The following FAM161A variants were observed in gnomAD, a reference collection of about 807,000 sequenced individuals.
The protein encoded by FAM161A is protein FAM161A.
A neutral mutation model predicts 70.9 loss-of-function variants in FAM161A; 57 were observed. That is an observed-to-expected ratio of 0.80 (90% CI 0.65 to 1.00). The LOEUF (loss-of-function observed/expected upper bound fraction) is 1.00. Ranked by LOEUF, FAM161A falls within the 50% of genes least tolerant of loss-of-function variation. The pLI is 0.00. For missense variants in FAM161A, 880 were observed against 836.0 expected, an observed-to-expected ratio of 1.05 and a Z score of -0.65; for synonymous variants, 299 against 295.7, an observed-to-expected ratio of 1.01 and a Z score of -0.12.
At position 61,839,603 on chromosome 2, in the gene FAM161A, A is replaced by C. The variant is rs1290409340; in HGVS notation, c.1401T>G (p.Ile467Met). The C allele has an allele frequency of 6.2e-7, 1 of 1,614,146 alleles. No individual in the cohort carries two copies. Among genetic ancestry groups the C allele is most frequent in the Non-Finnish European group, 8.5e-7 (1 of 1,180,028 alleles). Residue 467 changes from isoleucine (I) to methionine (M), a missense_variant, in exon 3 of 7, where the codon ATT (isoleucine) becomes ATG (methionine). Coordinates refer to ENST00000404929, the MANE Select transcript of FAM161A (RefSeq NM_001201543.2). ...FDLHASPHAS[I>M]KREKILADIE... ...TGTCTGCCAAAATTTTTTCTCTTTT[A>C]ATAGATGCATGTGGAGATGCATGAA...
chr2:61,842,911 G>A (rs759855161), intron 1 of FAM161A, among the ~76,000 whole-genome samples: 8 of 152,186 alleles, frequency 5.3e-5, no homozygotes, highest in Non-Finnish European at 8.8e-5. Flanking sequence ...TCCTCACAGT[G>A]GGGCAAGACT....
chr2:61,832,401 T>A (rs569550776), intron 5 of FAM161A, among the ~76,000 whole-genome samples: 1 of 152,290 alleles, frequency 6.6e-6, no homozygotes, highest in African/African-American at 2.4e-5. Flanking sequence ...AAATGCAGAT[T>A]TGGAAGATAA....
chr2:61,820,195 G>C, downstream of FAM161A: 1 of 547,388 alleles, frequency 1.8e-6, no homozygotes, highest in Non-Finnish European at 3.3e-6. Flanking sequence ...TCTTCCCACT[G>C]CTGTCATGTC....
intron 4 of FAM161A, among the ~76,000 whole-genome samples, 170 bp downstream of exon 4, chr2:61,838,368 A>C (rs377691675): frequency 6.6e-6 from 1 of 152,220 alleles, no homozygotes; most frequent in East Asian, 1.9e-4. Context: ...GTTGGTTCTC[A>C]CCATGAGGTG....
chr2:61,843,778 C>A lies in FAM161A; in HGVS notation c.184-1418G>T, dbSNP rs529325086. Reference sequence around the variant, plus strand: ...AGAAGATATGGTATTTTTTTTAATACGCTAAAATCAGCATACAAGAGGACA... The same window carrying A: ...AGAAGATATGGTATTTTTTTTAATAAGCTAAAATCAGCATACAAGAGGACA... On this transcript the variant is annotated intron_variant, in intron 1 of 6. Coordinates refer to ENST00000404929, the MANE Select transcript of FAM161A (RefSeq NM_001201543.2). Among the ~76,000 whole-genome samples, 7 of 151,980 alleles carry A rather than the reference C, an allele frequency of 4.6e-5. No individual in the cohort carries two copies. The South Asian group carries it at 1.0e-3, about 23-fold the overall frequency.
intron 4 of FAM161A, 87 bp downstream of exon 4, chr2:61,838,451 A>G: frequency 8.8e-7 from 1 of 1,132,300 alleles, no homozygotes; most frequent in Non-Finnish European, 1.3e-6. Context: ...TGCTATTTTC[A>G]ATCTGCTCAT....
Position 61,840,268 on chromosome 2 carries a change from T to A in FAM161A, c.736A>T (p.Ile246Leu). 6.2e-7 allele frequency: 1 copy of A among 1,614,150 alleles called. No homozygotes were observed. The highest frequency in any genetic ancestry group is 1.1e-5 in the South Asian group (1 of 91,084). ...ITVPEPFQMM[I>L]REQKKKEESM... The stretch of plus-strand genomic sequence containing the variant: ...TCTTCTTTTTTCTTCTGTTCTCTTA[T>A]CATCATTTGAAAAGGCTCCGGTACT... Residue 246 changes from isoleucine to leucine, a missense_variant, in exon 3 of 7, where the codon ATA (isoleucine) becomes TTA (leucine). Transcript: ENST00000404929.
intron 1 of FAM161A, 83 bp downstream of exon 1, chr2:61,853,776 C>A (rs1673579334): frequency 2.0e-6 from 3 of 1,531,902 alleles, no homozygotes; most frequent in Non-Finnish European, 2.7e-6. Flanking sequence ...CCAGCCTGCC[C>A]TCAGCTGGGC....
At chr2:61,826,925 T>C (rs1470388310) in intron 6 of FAM161A, among the ~76,000 whole-genome samples, 179 bp downstream of exon 6, 1 of 152,246 alleles carries the variant, frequency 6.6e-6, no homozygotes, top group African/African-American at 2.4e-5. Context: ...TGAACGTTAA[T>C]GTGTCAAACA....
downstream of FAM161A, among the ~76,000 whole-genome samples, chr2:61,821,060 T>C (rs1672192648): frequency 6.6e-6 from 1 of 152,040 alleles, no homozygotes; most frequent in African/African-American, 2.4e-5. Context: ...TTTTTCTTTT[T>C]TTTTTTTTCT....
intron 1 of FAM161A, among the ~76,000 whole-genome samples, chr2:61,847,193 C>A (rs865864211): frequency 1.4e-4 from 22 of 152,070 alleles, no homozygotes; most frequent in African/African-American, 5.3e-4. Flanking sequence ...CACAGAATTA[C>A]TTCAAGGCCT....
At chr2:61,851,022 G>A (rs1462462585) in intron 1 of FAM161A, among the ~76,000 whole-genome samples, 3 of 152,044 alleles carry the variant, frequency 2.0e-5, no homozygotes, top group African/African-American at 4.8e-5. Context: ...TTACAGGCAT[G>A]TGCCACCACG....
downstream of FAM161A, among the ~76,000 whole-genome samples, chr2:61,821,339 C>T (rs1558469845): frequency 2.0e-5 from 3 of 152,210 alleles, no homozygotes; most frequent in Non-Finnish European, 1.5e-5. Context: ...GCGTGAGCCA[C>T]TGCGCCCAGC....
chr2:61,838,513 G>A, intron 4 of FAM161A, 25 bp downstream of exon 4: 1 of 1,589,612 alleles, frequency 6.3e-7, no homozygotes, highest in Non-Finnish European at 8.6e-7. Context: ...CAGTGGTCTG[G>A]AGATTCAAGA....
In FAM161A at chr2:61,848,852, A is replaced by ATATATATT. The variant is rs1673333448; in HGVS notation, c.183+5006_183+5007insAATATATA. Among the ~76,000 whole-genome samples, 2 of 4,040 alleles carry ATATATATT rather than the reference A, an allele frequency of 5.0e-4. 1 individual carries two copies. The highest frequency in any genetic ancestry group is 1.7e-3 in the African/African-American group (2 of 1,176). 2.7% of individuals were successfully genotyped at this position (4,040 alleles called of 152,430 possible). On this transcript the variant is annotated intron_variant, in intron 1 of 6. Transcript: ENST00000404929. Reference sequence around the variant, plus strand: ...TCTATATATATTTATATATATATTTATATATATATTTATATATATATTTAT... The same window carrying ATATATATT: ...TCTATATATATTTATATATATATTTATATATATTTATATATATTTATATATATATTTAT...
chr2:61,850,450 T>C (rs933363252), intron 1 of FAM161A, among the ~76,000 whole-genome samples: 5 of 152,000 alleles, frequency 3.3e-5, no homozygotes, highest in Admixed American at 3.3e-4. Flanking sequence ...TGTGTATGTA[T>C]GTATGTATAT....
chr2:61,822,055 C>G (rs963647312), downstream of FAM161A, among the ~76,000 whole-genome samples: 10 of 151,758 alleles, frequency 6.6e-5, no homozygotes, highest in Admixed American at 2.0e-4. Context: ...AAGTGTGAGC[C>G]ACTGTGCCTG....
intron 2 of FAM161A, 63 bp from the exon 3 acceptor site, chr2:61,840,644 A>T (rs1672987923): frequency 9.2e-6 from 12 of 1,298,910 alleles, no homozygotes; most frequent in Non-Finnish European, 1.0e-5. Flanking sequence ...AAAAATTAAG[A>T]GTTACATATT....
chr2:61,827,320 T>A lies in FAM161A; in HGVS notation c.1852-62A>T. ...AGACTTTAAATTTTCATCAAAAATG[T>A]ATAGATTAGGCCAGGCGCGGTGGCT... On this transcript the variant is annotated intron_variant, in intron 5 of 6. Coordinates refer to ENST00000404929, the MANE Select transcript of FAM161A (RefSeq NM_001201543.2). The A allele has an allele frequency of 1.3e-5, 21 of 1,570,738 alleles. No homozygotes were observed. The South Asian group carries it at 2.3e-4, about 17-fold the overall frequency.
Sources: gnomAD v4.1 joint callset for allele counts (sites outside exome capture counted in the v4.1 genomes callset) on GRCh38, gnomAD v4.1.1 for gene constraint, MANE v1.5 for transcripts, NCBI Gene and HGNC (gene_info 2026-07-23, HGNC 2026-07-21) for gene names.